Variants in AZIN1 observed in about 807,000 individuals in gnomAD.
The protein encoded by AZIN1 is antizyme inhibitor 1.
AZIN1 carries 12 observed loss-of-function variants against 47.4 expected under a neutral mutation model. That is an observed-to-expected ratio of 0.25 (90% CI 0.16 to 0.41). The LOEUF is 0.41. Among genes scored for constraint, AZIN1 ranks in the 10% least tolerant of loss-of-function variants. The pLI is 1.00. For synonymous variants in AZIN1, 155 were observed against 176.3 expected (o/e 0.88, Z 0.96); for missense variants, 410 against 532.4 (o/e 0.77, Z 2.26).
chr8:102,841,575 T>C lies in AZIN1; in HGVS notation c.103-1752A>G, dbSNP rs1215193759. Reference sequence around the variant, plus strand: ...AATATGACAAGTTTCATGACCAATATGTCAAGTTTTAACAAGTTGAATGGC... The same window carrying C: ...AATATGACAAGTTTCATGACCAATACGTCAAGTTTTAACAAGTTGAATGGC... On this transcript the variant is annotated intron_variant, in intron 3 of 11. Transcript: ENST00000337198. Among the ~76,000 whole-genome samples the C allele has an allele frequency of 2.6e-5, 4 of 152,056 alleles. No individual in the cohort carries two copies. The East Asian group carries it at 7.7e-4, about 29-fold the overall frequency.
chr8:102,839,124 T>C (rs1812013307), intron 4 of AZIN1, among the ~76,000 whole-genome samples: 1 of 152,176 alleles, frequency 6.6e-6, no homozygotes, highest in Non-Finnish European at 1.5e-5. Context: ...CCTCCCAAAG[T>C]GCTACGAGTA....
intron 9 of AZIN1, among the ~76,000 whole-genome samples, chr8:102,832,579 T>C (rs1341494201): frequency 6.6e-6 from 1 of 152,048 alleles, no homozygotes; most frequent in East Asian, 1.9e-4. Context: ...AACACACGTA[T>C]CTAAACATCA....
chr8:102,832,868 C>G (rs1294652069), intron 9 of AZIN1, among the ~76,000 whole-genome samples, 188 bp downstream of exon 9: 1 of 152,106 alleles, frequency 6.6e-6, no homozygotes, highest in African/African-American at 2.4e-5. Context: ...TCTCGAACTC[C>G]TGACCTTGTG....
At chr8:102,838,112 C>T (rs1239159875) in intron 5 of AZIN1, among the ~76,000 whole-genome samples, 18 of 152,126 alleles carry the variant, frequency 1.2e-4, no homozygotes. Context: ...ATCCACCAGC[C>T]TCAGTCTCCT....
intron 8 of AZIN1, 82 bp downstream of exon 8, chr8:102,834,107 T>C (rs1203709003): frequency 1.1e-5 from 13 of 1,161,898 alleles, no homozygotes; most frequent in African/African-American, 3.1e-5. Flanking sequence ...TCTGCCATTG[T>C]AAAAATCCTG....
intron 2 of AZIN1, among the ~76,000 whole-genome samples, chr8:102,853,375 G>A (rs752855502): frequency 7.9e-5 from 12 of 152,166 alleles, no homozygotes; most frequent in Non-Finnish European, 1.5e-4. Context: ...GGTGGTGCAT[G>A]CCTATAATAC....
intron 3 of AZIN1, among the ~76,000 whole-genome samples, chr8:102,842,917 G>C (rs1222491342): frequency 6.8e-6 from 1 of 147,152 alleles, no homozygotes; most frequent in Non-Finnish European, 1.5e-5. Flanking sequence ...AAACAAGCAA[G>C]CAAAAAAAAA....
At chr8:102,859,656 G>A (rs1002786009) in intron 1 of AZIN1, among the ~76,000 whole-genome samples, 3 of 152,264 alleles carry the variant, frequency 2.0e-5, no homozygotes, top group African/African-American at 4.8e-5. Flanking sequence ...TCAACACAGT[G>A]AAATCCCATC....
chr8:102,862,600 AC>A (rs1813753951), intron 1 of AZIN1, among the ~76,000 whole-genome samples: 2 of 152,278 alleles, frequency 1.3e-5, no homozygotes, highest in South Asian at 2.1e-4. Context: ...GTTTCTGCCA[AC>A]CCTTGCTGTA....
intron 9 of AZIN1, among the ~76,000 whole-genome samples, chr8:102,831,743 G>A (rs1264139965): frequency 6.6e-6 from 1 of 151,760 alleles, no homozygotes; most frequent in East Asian, 1.9e-4. Context: ...CTTGAGCTCA[G>A]GAGTTTGAGA....
intron 6 of AZIN1, 145 bp from the exon 7 acceptor site, chr8:102,834,892 G>T (rs1184529599): frequency 6.9e-6 from 4 of 581,404 alleles, no homozygotes; most frequent in African/African-American, 5.7e-5. Context: ...AGAAGCATTA[G>T]CTTCTAATTA....
chr8:102,840,409 C>T (rs570783655), intron 3 of AZIN1, among the ~76,000 whole-genome samples: 2 of 152,256 alleles, frequency 1.3e-5, no homozygotes, highest in Middle Eastern at 3.4e-3. Flanking sequence ...GTGGTGCAAT[C>T]ATAGCTTACT....
At chr8:102,855,943 CAT>C (rs558464498) in intron 2 of AZIN1, 67 of 152,254 alleles carry the variant, frequency 4.4e-4, no homozygotes, top group African/African-American at 1.6e-3. Flanking sequence ...ACATACTTTA[CAT>C]ATGTTATGTA....
intron 10 of AZIN1, 81 bp from the exon 11 acceptor site, chr8:102,829,567 G>T: frequency 7.7e-7 from 1 of 1,295,390 alleles, no homozygotes; most frequent in Non-Finnish European, 1.1e-6. Context: ...TATTTTCACT[G>T]TCTCAGATCC....
intron 3 of AZIN1, among the ~76,000 whole-genome samples, chr8:102,840,069 T>TG (rs1232197190): frequency 1.9e-4 from 29 of 152,166 alleles, no homozygotes; most frequent in African/African-American, 6.3e-4. Context: ...TAAAATATTC[T>TG]CCCCTTTGAG....
chr8:102,826,777 G>GCATTTCTGGAC lies in AZIN1; in HGVS notation c.*1789_*1790insGTCCAGAAATG, dbSNP rs1811135434. The GCATTTCTGGAC allele has an allele frequency of 1.3e-5, 2 of 152,518 alleles. No homozygotes were observed. The highest frequency in any genetic ancestry group is 4.8e-5 in the African/African-American group (2 of 41,410). 9.4% of individuals were successfully genotyped at this position (152,518 alleles called of 1,614,324 possible). A position where few individuals can be genotyped will look rare whatever the true frequency, so the allele number is the denominator to read the frequency against. On this transcript the variant is annotated 3_prime_UTR_variant, in exon 12 of 12. Transcript: ENST00000337198. ...TTTGGCATTTCTGGACCACAACAAT[G>GCATTTCTGGAC]CACAACATGTAAAGAAGGTAGGAAA...
chr8:102,857,862 G>C (rs1813393020), intron 2 of AZIN1, among the ~76,000 whole-genome samples, 151 bp downstream of exon 2: 1 of 152,028 alleles, frequency 6.6e-6, no homozygotes, highest in African/African-American at 2.4e-5. Context: ...TCTGTAACCA[G>C]TAACTGTCTT....
chr8:102,844,689 G>A (rs1336571107), intron 2 of AZIN1, among the ~76,000 whole-genome samples: 2 of 151,420 alleles, frequency 1.3e-5, no homozygotes, highest in Non-Finnish European at 2.9e-5. Context: ...TTTCAGTGCT[G>A]GCTAGAATAG....
chr8:102,838,945 C>T (rs1563536063), intron 4 of AZIN1, 29 bp from the exon 5 acceptor site: 2 of 1,582,008 alleles, frequency 1.3e-6, no homozygotes, highest in Middle Eastern at 1.7e-4. Flanking sequence ...AGTGAGAATA[C>T]ATAATGTCAC....
Sources: gnomAD v4.1 joint callset for allele counts (sites outside exome capture counted in the v4.1 genomes callset) on GRCh38, gnomAD v4.1.1 for gene constraint, MANE v1.5 for transcripts, NCBI Gene and HGNC (gene_info 2026-07-23, HGNC 2026-07-21) for gene names.